The following EPHA3 variants were observed in gnomAD, a reference collection of about 807,000 sequenced individuals.
EPHA3 encodes the protein ephrin type-A receptor 3.
EPHA3 carries 42 observed loss-of-function variants against 107.1 expected under a neutral mutation model. That is an observed-to-expected ratio of 0.39 (90% CI 0.31 to 0.51). EPHA3 has a LOEUF of 0.51. EPHA3 is among the 20% of genes least tolerant of loss of function. EPHA3 has a pLI of 0.78. For synonymous variants in EPHA3, 461 were observed against 424.8 expected (o/e 1.09, Z -1.05); for missense variants, 1,183 against 1,211.2 (o/e 0.98, Z 0.35).
chr3:89,451,261 T>TA (rs1709984372), intron 15 of EPHA3, among the ~76,000 whole-genome samples: 2 of 152,192 alleles, frequency 1.3e-5, no homozygotes, highest in East Asian at 3.9e-4. Context: ...TCTCAGTGGT[T>TA]AGAACAATGT....
intron 3 of EPHA3, among the ~76,000 whole-genome samples, chr3:89,305,696 T>C (rs1347284027): frequency 6.6e-6 from 1 of 152,106 alleles, no homozygotes; most frequent in African/African-American, 2.4e-5. Context: ...GTTGACCCCA[T>C]TAACCCCTTG....
intron 3 of EPHA3, among the ~76,000 whole-genome samples, chr3:89,230,900 A>G (rs1348751645): frequency 6.6e-6 from 1 of 150,514 alleles, no homozygotes. Flanking sequence ...ATTTCAGACT[A>G]TGGGCTTTGT....
chr3:89,131,417 C>G (rs997892642), intron 2 of EPHA3, among the ~76,000 whole-genome samples: 2 of 152,098 alleles, frequency 1.3e-5, no homozygotes, highest in African/African-American at 4.8e-5. Context: ...CAGCCTTTTG[C>G]TTACACATGA....
chr3:89,185,829 CA>C (rs2107129274), intron 2 of EPHA3, among the ~76,000 whole-genome samples: 1 of 152,158 alleles, frequency 6.6e-6, no homozygotes, highest in Admixed American at 6.6e-5. Context: ...TAGGGACAAG[CA>C]ACAGGATTTA....
At chr3:89,202,465 G>A (rs905008462) in intron 2 of EPHA3, among the ~76,000 whole-genome samples, 8 of 145,568 alleles carry the variant, frequency 5.5e-5, no homozygotes, top group South Asian at 4.3e-4. Context: ...GCAGAGAACC[G>A]AGATCACCCT....
chr3:89,111,850 A>G (rs1200955096), intron 1 of EPHA3, among the ~76,000 whole-genome samples: 1 of 152,166 alleles, frequency 6.6e-6, no homozygotes, highest in Non-Finnish European at 1.5e-5. Flanking sequence ...TCATAATCAT[A>G]CTATTCCAGT....
chr3:89,456,668 G>A (rs956882798), intron 15 of EPHA3, among the ~76,000 whole-genome samples: 19 of 152,194 alleles, frequency 1.2e-4, no homozygotes, highest in Non-Finnish European at 2.5e-4. Flanking sequence ...GATGGTCAGG[G>A]TGGGCCAGAT....
At chr3:89,147,183 C>A (rs908211780) in intron 2 of EPHA3, among the ~76,000 whole-genome samples, 4 of 151,334 alleles carry the variant, frequency 2.6e-5, no homozygotes, top group African/African-American at 9.7e-5. Context: ...CAGGGCCTGT[C>A]GGGGGTGGGG....
chr3:89,230,824 T>TCACACACACACACACA (rs61566796), intron 3 of EPHA3, among the ~76,000 whole-genome samples: 1 of 139,574 alleles, frequency 7.2e-6, no homozygotes, highest in African/African-American at 2.7e-5. Context: ...TCTCTCTCTC[T>TCACACACACACACACA]CACACACACA....
chr3:89,240,572 A>G (rs1704871918), intron 3 of EPHA3, among the ~76,000 whole-genome samples: 1 of 152,102 alleles, frequency 6.6e-6, no homozygotes, highest in African/African-American at 2.4e-5. Context: ...TTTTATATCT[A>G]TCACAAAACT....
At chr3:89,176,944 C>T (rs1705331854) in intron 2 of EPHA3, among the ~76,000 whole-genome samples, 1 of 151,696 alleles carries the variant, frequency 6.6e-6, no homozygotes, top group Non-Finnish European at 1.5e-5. Context: ...CAACAAATAC[C>T]AAATACAAAA....
chr3:89,131,264 A>T (rs1704202718), intron 2 of EPHA3, among the ~76,000 whole-genome samples: 1 of 152,186 alleles, frequency 6.6e-6, no homozygotes, highest in Non-Finnish European at 1.5e-5. Flanking sequence ...TATGAATGAT[A>T]TGATATTTCA....
chr3:89,384,249 A>G lies in EPHA3; in HGVS notation c.1307-11588A>G, dbSNP rs199972620. Among the ~76,000 whole-genome samples, 3 of 152,132 alleles carry G rather than the reference A, an allele frequency of 2.0e-5. No individual in the cohort carries two copies. In the East Asian group the frequency reaches 5.8e-4, roughly 29 times the overall value. ...TGGAAACCAGTGAATTAAGACAACAAGCAGAAGATATTGCCTAAAGCAATC... is the reference window on the plus strand; with the variant it reads ...TGGAAACCAGTGAATTAAGACAACAGGCAGAAGATATTGCCTAAAGCAATC... On this transcript the variant is annotated intron_variant, in intron 5 of 16. Coordinates refer to ENST00000336596, the MANE Select transcript of EPHA3 (RefSeq NM_005233.6).
At chr3:89,355,010 A>G (rs1271250392) in intron 5 of EPHA3, among the ~76,000 whole-genome samples, 1 of 151,086 alleles carries the variant, frequency 6.6e-6, no homozygotes, top group African/African-American at 2.4e-5. Flanking sequence ...TTTACTCTTA[A>G]TCAATGCTAA....
At chr3:89,190,521 C>T (rs1219781029) in intron 2 of EPHA3, among the ~76,000 whole-genome samples, 8 of 152,152 alleles carry the variant, frequency 5.3e-5, no homozygotes, top group Admixed American at 2.0e-4. Flanking sequence ...AGACCACAGA[C>T]TGGGTGGTTT....
intron 3 of EPHA3, among the ~76,000 whole-genome samples, chr3:89,270,181 G>T (rs905314956): frequency 6.6e-6 from 1 of 151,894 alleles, no homozygotes; most frequent in African/African-American, 2.4e-5. Flanking sequence ...ATGTATTAAG[G>T]CATTCTGCAT....
intron 2 of EPHA3, among the ~76,000 whole-genome samples, chr3:89,209,092 G>T (rs1407398258): frequency 3.3e-5 from 5 of 152,142 alleles, no homozygotes; most frequent in Admixed American, 1.3e-4. Flanking sequence ...TGCTTTTAAA[G>T]GTTTTTACAG....
chr3:89,122,927 G>A (rs1326811654), intron 1 of EPHA3, among the ~76,000 whole-genome samples: 2 of 152,120 alleles, frequency 1.3e-5, no homozygotes, highest in Admixed American at 1.3e-4. Context: ...AATTTTACTA[G>A]GAGTGGACTT....
At chr3:89,113,323 T>G (rs965115026) in intron 1 of EPHA3, among the ~76,000 whole-genome samples, 2 of 151,464 alleles carry the variant, frequency 1.3e-5, no homozygotes, top group African/African-American at 4.8e-5. Flanking sequence ...CATCCCTCAG[T>G]GTGTTCGGGG....
Sources: gnomAD v4.1 joint callset for allele counts (sites outside exome capture counted in the v4.1 genomes callset) on GRCh38, gnomAD v4.1.1 for gene constraint, MANE v1.5 for transcripts, NCBI Gene and HGNC (gene_info 2026-07-23, HGNC 2026-07-21) for gene names.